The following CDK2 variants were observed in gnomAD, a reference collection of about 807,000 sequenced individuals.
CDK2 encodes the protein cyclin dependent kinase 2, also known as cyclin-dependent kinase 2.
Under a neutral mutation model 35.0 loss-of-function variants are expected in CDK2, and 8 were observed. The ratio of observed to expected loss-of-function variants is 0.23; its 90% CI spans 0.13 to 0.41. The LOEUF (loss-of-function observed/expected upper bound fraction) is 0.41, where lower values mean the gene tolerates loss of function less well. CDK2 is among the 10% of genes least tolerant of loss of function. The probability of loss-of-function intolerance (pLI) is 1.00; values close to 1 mark genes in which losing one functional copy is unlikely to be tolerated. For missense variants in CDK2, 201 were observed against 367.1 expected, an observed-to-expected ratio of 0.55 and a Z score of 3.70; for synonymous variants, 134 against 137.7, an observed-to-expected ratio of 0.97 and a Z score of 0.19.
Position 55,971,061 on chromosome 12 carries a change from A to T in CDK2, c.606A>T (p.Leu202=). 1 of 1,613,966 alleles carries T rather than the reference A, an allele frequency of 6.2e-7. No homozygotes were observed. The highest frequency in any genetic ancestry group is 1.3e-5 in the African/African-American group (1 of 74,968). The change falls in exon 6 of 7, where the codon CTA becomes CTT. Residue 202 remains leucine, a synonymous_variant. Coordinates refer to ENST00000266970, the MANE Select transcript of CDK2 (RefSeq NM_001798.5). ...ATTTTCAGGTGACTCGCCGGGCCCT[A>T]TTCCCTGGAGATTCTGAGATTGACC... ...IFAEMVTRRA[L]FPGDSEIDQL...
chr12:55,969,604 A>T, intron 5 of CDK2, 28 bp downstream of exon 5: 1 of 1,357,826 alleles, frequency 7.4e-7, no homozygotes, highest in Non-Finnish European at 1.0e-6. Context: ...AGTTCCACCC[A>T]GCCCCCTCCC....
At chr12:55,967,776 TGGGGGAAAGAAATGACTAGGTGG>T in intron 1 of CDK2, 58 bp from the exon 2 acceptor site, 1 of 1,206,040 alleles carries the variant, frequency 8.3e-7, no homozygotes, top group Non-Finnish European at 1.2e-6. Flanking sequence ...GGTGTCTCCT[TGGGGGAAAGAAATGACTAGGTGG>T]GGGGGAAAGG....
At chr12:55,969,070 C>A in intron 4 of CDK2, 122 bp downstream of exon 4, 1 of 736,068 alleles carries the variant, frequency 1.4e-6, no homozygotes, top group Non-Finnish European at 2.2e-6. Flanking sequence ...CTCTTGACAT[C>A]CTAAAGAGTC....
In CDK2 at chr12:55,972,346, A is replaced by C. The variant is rs1255980398; in HGVS notation, c.*721A>C. 2 of 151,974 alleles carry C rather than the reference A, an allele frequency of 1.3e-5. No individual in the cohort carries two copies. Among genetic ancestry groups the C allele is most frequent in the Non-Finnish European group, 2.9e-5 (2 of 68,000 alleles). 9.4% of individuals were successfully genotyped at this position (151,974 alleles called of 1,614,324 possible). On this transcript the variant is annotated 3_prime_UTR_variant, in exon 7 of 7. Transcript: ENST00000266970. ...TATGAGGCAGGTGAGAGATGTTTGA[A>C]TTTTTCTCTTCCTTTTAGTATTCTT...
At chr12:55,970,350 T>C (rs1400840804) in intron 5 of CDK2, among the ~76,000 whole-genome samples, 5 of 150,530 alleles carry the variant, frequency 3.3e-5, no homozygotes, top group African/African-American at 1.2e-4. Context: ...AACCTCTGGC[T>C]TTTCAGACTG....
intron 1 of CDK2, 185 bp downstream of exon 1, chr12:55,967,309 T>C: frequency 1.7e-6 from 1 of 583,922 alleles, no homozygotes; most frequent in Non-Finnish European, 3.1e-6. Flanking sequence ...GGGGAGAGTA[T>C]AGGGTGGTGT....
At chr12:55,969,449 C>T (rs755268583) in intron 4 of CDK2, 26 bp from the exon 5 acceptor site, 7 of 1,365,276 alleles carry the variant, frequency 5.1e-6, no homozygotes, top group Non-Finnish European at 7.3e-6. Context: ...TAAACCACCC[C>T]GCCCCTCCCT....
chr12:55,969,661 C>A, intron 5 of CDK2, 85 bp downstream of exon 5: 1 of 668,146 alleles, frequency 1.5e-6, no homozygotes, highest in Non-Finnish European at 2.6e-6. Flanking sequence ...TTGGCCCAGA[C>A]CTATGGCCCT....
rs777107767 is a variant in CDK2, at chr12:55,967,973, G to A, written c.194+39G>A. ...TGAGAGGTGATCCAGCTGGAAAGGA[G>A]GATAAGTTCTGTCTGTACAGTGTGG... On this transcript the variant is annotated intron_variant, in intron 2 of 6. Transcript: ENST00000266970. 1.3e-5 allele frequency: 21 copies of A among 1,613,378 alleles called. 1 individual carries two copies. In the South Asian group the frequency reaches 1.3e-4, roughly 10 times the overall value.
chr12:55,967,158 G>C, intron 1 of CDK2, 34 bp downstream of exon 1: 1 of 1,503,536 alleles, frequency 6.7e-7, no homozygotes, highest in Non-Finnish European at 9.2e-7. Context: ...CTCCTAACTG[G>C]GGACCTCCTT....
At position 55,968,967 on chromosome 12, in the gene CDK2, T is replaced by G. The variant is rs1369295408; in HGVS notation, c.486+19T>G. The G allele has an allele frequency of 1.3e-6, 2 of 1,539,908 alleles. No homozygotes were observed. Among genetic ancestry groups the G allele is most frequent in the Non-Finnish European group, 1.7e-6 (2 of 1,143,958 alleles). On this transcript the variant is annotated intron_variant, in intron 4 of 6. Coordinates refer to ENST00000266970, the MANE Select transcript of CDK2 (RefSeq NM_001798.5). ...CCATGAGGTGAGTCCCTTTATGTCT[T>G]TTTTCTCTGAGCTTCCCAAGAGGTG...
intron 5 of CDK2, 190 bp from the exon 6 acceptor site, chr12:55,970,854 A>G: frequency 1.4e-6 from 1 of 702,256 alleles, no homozygotes; most frequent in African/African-American, 1.7e-5. Flanking sequence ...GGAAGGAAGG[A>G]GGGGGCGAGG....
chr12:55,966,948 C>A lies in CDK2; in HGVS notation c.-61C>A. ...TCGGCCCCCGAGAGCCAGGGTCCGC[C>A]TTCTGCAGGGTTCCCAGGCCCCCGC... is the stretch of plus-strand genomic sequence containing the variant. On this transcript the variant is annotated 5_prime_UTR_variant, in exon 1 of 7. Transcript: ENST00000266970. 1 of 1,364,082 alleles carries A rather than the reference C, an allele frequency of 7.3e-7. No individual in the cohort carries two copies. The allele number at this position is 1,364,082 out of a possible 1,614,324, so 84.5% of individuals were successfully genotyped here. A position where few individuals can be genotyped will look rare whatever the true frequency, so the allele number is the denominator to read the frequency against.
chr12:55,967,720 T>G, intron 1 of CDK2, 137 bp from the exon 2 acceptor site: 1 of 701,096 alleles, frequency 1.4e-6, no homozygotes, highest in Non-Finnish European at 2.5e-6. Context: ...AATTAGCTCT[T>G]ACCATCACCC....
chr12:55,967,160 G>A lies in CDK2; in HGVS notation c.116+36G>A, dbSNP rs1889341251. 4 of 1,490,420 alleles carry A rather than the reference G, an allele frequency of 2.7e-6. No individual in the cohort carries two copies. In the South Asian group the frequency reaches 3.5e-5, roughly 13 times the overall value. 92.3% of individuals were successfully genotyped at this position (1,490,420 alleles called of 1,614,324 possible). A position where few individuals can be genotyped will look rare whatever the true frequency, so the allele number is the denominator to read the frequency against. On this transcript the variant is annotated intron_variant, in intron 1 of 6. Coordinates refer to ENST00000266970, the MANE Select transcript of CDK2 (RefSeq NM_001798.5). ...TCTGTACCCGGGACTCCTAACTGGG[G>A]ACCTCCTTGATTGTCCCCCCCAACC... is the stretch of plus-strand genomic sequence containing the variant.
At chr12:55,971,446 T>C in intron 6 of CDK2, 75 bp from the exon 7 acceptor site, 1 of 1,260,646 alleles carries the variant, frequency 7.9e-7, no homozygotes, top group South Asian at 1.2e-5. Context: ...TCTGGTTTCC[T>C]GATTTCTGGG....
chr12:55,967,823 A>T (rs1175720663), intron 1 of CDK2, 34 bp from the exon 2 acceptor site: 5 of 1,558,366 alleles, frequency 3.2e-6, no homozygotes, highest in Admixed American at 1.7e-5. Context: ...ATTTGTAACC[A>T]TATTCCCATC....
chr12:55,971,677 C>T lies in CDK2; in HGVS notation c.*52C>T, dbSNP rs762975567. 2.7e-5 allele frequency: 36 copies of T among 1,354,228 alleles called. No individual in the cohort carries two copies. Among genetic ancestry groups the T allele is most frequent in the Non-Finnish European group, 3.1e-5 (29 of 944,964 alleles). The allele number at this position is 1,354,228 out of a possible 1,614,324, so 83.9% of individuals were successfully genotyped here. Reference sequence around the variant, plus strand: ...ATCTCACCCTCTCCTCCAGTGTGGGCTTGACCAGGCTTGGCCTTGGGCTAT... The same window carrying T: ...ATCTCACCCTCTCCTCCAGTGTGGGTTTGACCAGGCTTGGCCTTGGGCTAT... On this transcript the variant is annotated 3_prime_UTR_variant, in exon 7 of 7. Coordinates refer to ENST00000266970, the MANE Select transcript of CDK2 (RefSeq NM_001798.5).
In CDK2 at chr12:55,971,160, T is replaced by C; in HGVS notation, c.705T>C (p.Asp235=). 6.2e-7 allele frequency: 1 copy of C among 1,614,126 alleles called. No individual in the cohort carries two copies. The highest frequency in any genetic ancestry group is 8.5e-7 in the Non-Finnish European group (1 of 1,180,012). The part of the protein sequence containing the change: ...VVWPGVTSMP[D]YKPSFPKWAR... ...GGCCAGGAGTTACTTCTATGCCTGA[T>C]TACAAGCCAAGTTTCCCCAAGTGGG... The change falls in exon 6 of 7, where the codon GAT becomes GAC. Residue 235 remains aspartate, a synonymous_variant. Transcript: ENST00000266970.
Sources: allele counts gnomAD v4.1 joint callset (sites outside exome capture counted in the v4.1 genomes callset), GRCh38; gene constraint gnomAD v4.1.1; transcripts MANE v1.5; gene names NCBI Gene and HGNC (gene_info 2026-07-23, HGNC 2026-07-21).